The following SLC4A10 variants were observed in gnomAD, a reference collection of about 807,000 sequenced individuals.
SLC4A10 encodes the protein sodium-driven chloride bicarbonate exchanger.
In SLC4A10, 42 loss-of-function variants were observed where a neutral mutation model predicts 137.7. That is an observed-to-expected ratio of 0.30 (90% CI 0.24 to 0.39). The LOEUF (loss-of-function observed/expected upper bound fraction) is 0.39, where lower values mean the gene tolerates loss of function less well. SLC4A10 is among the 10% of genes least tolerant of loss of function. SLC4A10 has a pLI of 1.00. For synonymous variants in SLC4A10, 474 were observed against 464.1 expected, an observed-to-expected ratio of 1.02 and a Z score of -0.27; for missense variants, 925 against 1,355.0, an observed-to-expected ratio of 0.68 and a Z score of 4.98.
rs559529345 is a variant in SLC4A10 at position 161,902,252 on chromosome 2, A to C, written c.1442+1241A>C. The C allele has an allele frequency of 3.6e-5, 9 of 251,702 alleles. No individual in the cohort carries two copies. The East Asian group carries it at 1.1e-3, about 30-fold the overall frequency. 15.6% of individuals were successfully genotyped at this position (251,702 alleles called of 1,614,324 possible). A position where few individuals can be genotyped will look rare whatever the true frequency, so the allele number is the denominator to read the frequency against. On this transcript the variant is annotated intron_variant, in intron 12 of 26. Coordinates refer to ENST00000446997, the MANE Select transcript of SLC4A10 (RefSeq NM_001178015.2). Reference sequence around the variant, plus strand: ...CTATAACAACTATTCAGACTAATGTATGCTCTAATAAGTAATTGATTAGAA... The same window carrying C: ...CTATAACAACTATTCAGACTAATGTCTGCTCTAATAAGTAATTGATTAGAA...
intron 4 of SLC4A10, among the ~76,000 whole-genome samples, chr2:161,850,293 A>T (rs1425743990): frequency 6.6e-6 from 1 of 152,148 alleles, no homozygotes; most frequent in East Asian, 1.9e-4. Flanking sequence ...TTGTGATGTG[A>T]GGCAGGAGAA....
chr2:161,854,050 T>G (rs1431745136), intron 4 of SLC4A10, among the ~76,000 whole-genome samples: 1 of 152,132 alleles, frequency 6.6e-6, no homozygotes, highest in Admixed American at 6.6e-5. Flanking sequence ...TGAATGATAT[T>G]GCTTGGAGAG....
chr2:161,720,470 T>C (rs1180599496), intron 1 of SLC4A10, among the ~76,000 whole-genome samples: 2 of 152,182 alleles, frequency 1.3e-5, no homozygotes, highest in Non-Finnish European at 2.9e-5. Flanking sequence ...GCATTGAATC[T>C]ATAAATTACC....
chr2:161,828,875 A>T (rs1290910181), intron 3 of SLC4A10, among the ~76,000 whole-genome samples: 1 of 142,290 alleles, frequency 7.0e-6, no homozygotes, highest in African/African-American at 2.6e-5. Context: ...CTGGGATTTC[A>T]TCTTGAACTT....
rs1261330237 is a variant in SLC4A10, at chr2:161,984,789, T to G, written c.*1637T>G. ...AAATACAGAAACTTTCTGTTCCAAATGTGTTGCCTTTGTGTATTTTATAAT... is the reference window on the plus strand; with the variant it reads ...AAATACAGAAACTTTCTGTTCCAAAGGTGTTGCCTTTGTGTATTTTATAAT... On this transcript the variant is annotated 3_prime_UTR_variant, in exon 27 of 27. Transcript: ENST00000446997. 3.3e-5 allele frequency: 5 copies of G among 152,122 alleles called. No homozygotes were observed. The highest frequency in any genetic ancestry group is 1.2e-4 in the African/African-American group (5 of 41,468). 9.4% of individuals were successfully genotyped at this position (152,122 alleles called of 1,614,324 possible).
intron 1 of SLC4A10, among the ~76,000 whole-genome samples, chr2:161,634,823 G>T (rs1255064023): frequency 6.6e-6 from 1 of 151,792 alleles, no homozygotes; most frequent in Non-Finnish European, 1.5e-5. Context: ...TCTAACTGTA[G>T]CTTGGTGCCC....
At chr2:161,903,854 T>C (rs1683695498) in intron 12 of SLC4A10, 150 bp from the exon 13 acceptor site, 3 of 729,382 alleles carry the variant, frequency 4.1e-6, no homozygotes, top group Non-Finnish European at 6.5e-6. Context: ...TCCCTGTAGA[T>C]TGTTATAAGA....
chr2:161,980,088 G>A (rs943945091), intron 26 of SLC4A10, among the ~76,000 whole-genome samples: 4 of 152,248 alleles, frequency 2.6e-5, no homozygotes, highest in African/African-American at 4.8e-5. Flanking sequence ...GCTCATTAAC[G>A]ACCACATTGC....
chr2:161,817,544 A>G (rs891797120), intron 3 of SLC4A10, among the ~76,000 whole-genome samples: 12 of 152,110 alleles, frequency 7.9e-5, no homozygotes, highest in Non-Finnish European at 1.6e-4. Context: ...TTTAGACATG[A>G]AGTCCTTGCC....
At chr2:161,832,130 C>G (rs2058472449) in intron 3 of SLC4A10, among the ~76,000 whole-genome samples, 1 of 152,156 alleles carries the variant, frequency 6.6e-6, no homozygotes, top group Non-Finnish European at 1.5e-5. Flanking sequence ...AGTTCCTTAC[C>G]TTGGTTCTCC....
At chr2:161,742,473 G>A (rs1249876094) in intron 1 of SLC4A10, among the ~76,000 whole-genome samples, 1 of 119,200 alleles carries the variant, frequency 8.4e-6, no homozygotes, top group Non-Finnish European at 1.6e-5. Flanking sequence ...ACTGAGTCTC[G>A]CACTGTCGCC....
At chr2:161,777,498 A>T (rs901799922) in intron 2 of SLC4A10, among the ~76,000 whole-genome samples, 1 of 152,040 alleles carries the variant, frequency 6.6e-6, no homozygotes, top group Non-Finnish European at 1.5e-5. Flanking sequence ...TGATAAAAAC[A>T]TACCCAAGAT....
At chr2:161,651,973 A>G (rs966559661) in intron 1 of SLC4A10, among the ~76,000 whole-genome samples, 2 of 152,188 alleles carry the variant, frequency 1.3e-5, no homozygotes, top group African/African-American at 4.8e-5. Context: ...TGACACCCCA[A>G]AGATCCTGTG....
chr2:161,633,669 A>C (rs900824389), intron 1 of SLC4A10, among the ~76,000 whole-genome samples: 1 of 151,716 alleles, frequency 6.6e-6, no homozygotes, highest in African/African-American at 2.4e-5. Context: ...TTTCCTTTTG[A>C]ATGAAAATCA....
At chr2:161,677,274 T>C (rs1429627960) in intron 1 of SLC4A10, among the ~76,000 whole-genome samples, 1 of 152,144 alleles carries the variant, frequency 6.6e-6, no homozygotes, top group Non-Finnish European at 1.5e-5. Flanking sequence ...GAAAGCAGCC[T>C]GGATACCTCA....
chr2:161,882,848 A>T (rs2061908470), intron 10 of SLC4A10, among the ~76,000 whole-genome samples: 1 of 152,158 alleles, frequency 6.6e-6, no homozygotes, highest in Admixed American at 6.6e-5. Flanking sequence ...TGCATGCAAC[A>T]TCTATCAACT....
chr2:161,678,951 T>C (rs1301352525), intron 1 of SLC4A10, among the ~76,000 whole-genome samples: 3 of 152,136 alleles, frequency 2.0e-5, no homozygotes, highest in Non-Finnish European at 4.4e-5. Flanking sequence ...TTAGTAGACA[T>C]GTGAAGACTT....
intron 1 of SLC4A10, among the ~76,000 whole-genome samples, chr2:161,708,492 T>G (rs556469014): frequency 1.3e-5 from 2 of 151,774 alleles, no homozygotes; most frequent in African/African-American, 4.8e-5. Context: ...ATTCTCTGTT[T>G]CGATGATGCA....
In SLC4A10 at chr2:161,749,070, C is replaced by A. The variant is rs145557299; in HGVS notation, c.49-21903C>A. 4.3e-3 allele frequency among the ~76,000 whole-genome samples: 655 copies of A among 151,796 alleles called. 3 individuals carry two copies. The highest frequency in any genetic ancestry group is 0.028 in the Middle Eastern group (8 of 290). On this transcript the variant is annotated intron_variant, in intron 1 of 26. Coordinates refer to ENST00000446997, the MANE Select transcript of SLC4A10 (RefSeq NM_001178015.2). ...AATGAGGTTGTTTTCTTGATTTTCT[C>A]TCAGATAGATTGTTTTTAGTGTAAA...
Sources: allele counts gnomAD v4.1 joint callset (sites outside exome capture counted in the v4.1 genomes callset), GRCh38; gene constraint gnomAD v4.1.1; transcripts MANE v1.5; gene names NCBI Gene and HGNC (gene_info 2026-07-23, HGNC 2026-07-21).